IFT57: variants seen among roughly 807,000 people sequenced by gnomAD.
IFT57 encodes the protein intraflagellar transport 57, also known as intraflagellar transport protein 57 homolog.
A neutral mutation model predicts 56.8 loss-of-function variants in IFT57; 59 were observed. The ratio of observed to expected loss-of-function variants is 1.04; its 90% CI spans 0.84 to 1.29. The LOEUF (loss-of-function observed/expected upper bound fraction) is 1.29, where lower values mean the gene tolerates loss of function less well. Ranked by LOEUF, IFT57 falls within the 50% of genes most tolerant of loss-of-function variation. The probability of loss-of-function intolerance (pLI) is 0.00; values close to 1 mark genes in which losing one functional copy is unlikely to be tolerated. For synonymous variants in IFT57, 209 were observed against 186.1 expected, an observed-to-expected ratio of 1.12 and a Z score of -1.00; for missense variants, 470 against 522.1, an observed-to-expected ratio of 0.90 and a Z score of 0.97.
chr3:108,208,127 A>G (rs2080323574), intron 4 of IFT57, among the ~76,000 whole-genome samples: 1 of 152,214 alleles, frequency 6.6e-6, no homozygotes, highest in Non-Finnish European at 1.5e-5. Context: ...GGAAAACCAG[A>G]AAGATTTTAG....
At chr3:108,210,006 T>G (rs973680136) in intron 4 of IFT57, among the ~76,000 whole-genome samples, 1 of 152,130 alleles carries the variant, frequency 6.6e-6, no homozygotes, top group African/African-American at 2.4e-5. Flanking sequence ...AGTTACTAAG[T>G]ATTAAGAGAG....
intron 6 of IFT57, among the ~76,000 whole-genome samples, chr3:108,188,188 C>T (rs965571533): frequency 3.9e-5 from 6 of 152,008 alleles, no homozygotes; most frequent in African/African-American, 1.4e-4. Context: ...AGGAAAGGGT[C>T]GACCACGATG....
chr3:108,191,520 C>T lies in IFT57; in HGVS notation c.777+1G>A, dbSNP rs775640428. The stretch of plus-strand genomic sequence containing the variant: ...AAGAAAATGTGTTCCCACTTTGATA[C>T]CTTATTGTCAGTCCTAATCGTGACT... On this transcript the variant is annotated splice_donor_variant, in intron 6 of 10. Transcript: ENST00000264538. LOFTEE classifies it high-confidence loss of function. 6.4e-7 allele frequency: 1 copy of T among 1,574,432 alleles called. No homozygotes were observed. Among genetic ancestry groups the T allele is most frequent in the East Asian group, 2.3e-5 (1 of 43,546 alleles).
Position 108,216,979 on chromosome 3 carries a change from AAGTTACAGTT to A in IFT57, c.494+1546_494+1555del, listed in dbSNP as rs367546174. Among the ~76,000 whole-genome samples, 166 of 152,208 alleles carry A rather than the reference AAGTTACAGTT, an allele frequency of 1.1e-3. 1 individual carries two copies. The highest frequency in any genetic ancestry group is 3.9e-3 in the African/African-American group (164 of 41,532). ...AAGTTGGTCAAAGTGGGTGAGTACA[AAGTTACAGTT>A]AGGAGGAATAAGTTCTAGTGTTCAA... On this transcript the variant is annotated intron_variant, in intron 3 of 10. Coordinates refer to ENST00000264538, the MANE Select transcript of IFT57 (RefSeq NM_018010.4).
In IFT57 at chr3:108,222,396, G is replaced by A; in HGVS notation, c.-74C>T. ...GGCCTAAGCCGCCAGCCCTGCCGCCGCCAGTACAGCCACGACCGGTTACCA... is the reference window on the plus strand; with the variant it reads ...GGCCTAAGCCGCCAGCCCTGCCGCCACCAGTACAGCCACGACCGGTTACCA... On this transcript the variant is annotated 5_prime_UTR_variant, in exon 1 of 11. Transcript: ENST00000264538. The A allele has an allele frequency of 7.3e-7, 1 of 1,364,754 alleles. No homozygotes were observed. Among genetic ancestry groups the A allele is most frequent in the Non-Finnish European group, 9.8e-7 (1 of 1,015,918 alleles). The allele number at this position is 1,364,754 out of a possible 1,614,324, so 84.5% of individuals were successfully genotyped here. A position where few individuals can be genotyped will look rare whatever the true frequency, so the allele number is the denominator to read the frequency against.
chr3:108,187,739 G>T (rs527365676), intron 6 of IFT57, among the ~76,000 whole-genome samples: 9 of 151,748 alleles, frequency 5.9e-5, no homozygotes, highest in South Asian at 2.1e-4. Context: ...AAATAACAGA[G>T]GTCCTTTACT....
intron 6 of IFT57, among the ~76,000 whole-genome samples, chr3:108,171,933 ATATG>A (rs1338712539): frequency 6.8e-6 from 1 of 146,630 alleles, no homozygotes; most frequent in Non-Finnish European, 1.5e-5. Flanking sequence ...CTCTCCATAT[ATATG>A]TATTTAGAAA....
chr3:108,221,600 T>A (rs1037395682), intron 1 of IFT57, among the ~76,000 whole-genome samples: 1 of 152,174 alleles, frequency 6.6e-6, no homozygotes, highest in Non-Finnish European at 1.5e-5. Flanking sequence ...TTTAAAGTGC[T>A]CCTTAACAGG....
At chr3:108,193,843 T>G (rs902731531) in intron 5 of IFT57, among the ~76,000 whole-genome samples, 2 of 152,210 alleles carry the variant, frequency 1.3e-5, no homozygotes, top group Non-Finnish European at 2.9e-5. Context: ...GAACTAGGCA[T>G]ATGCACATTC....
chr3:108,206,075 T>TTATATATATAATA (rs1218412759), intron 5 of IFT57, among the ~76,000 whole-genome samples: 3 of 130,236 alleles, frequency 2.3e-5, no homozygotes, highest in African/African-American at 8.8e-5. Flanking sequence ...TAATAATATA[T>TTATATATATAATA]TATATATAAA....
chr3:108,219,783 C>A (rs752367363), intron 1 of IFT57, among the ~76,000 whole-genome samples: 12 of 152,184 alleles, frequency 7.9e-5, no homozygotes, highest in Non-Finnish European at 1.3e-4. Flanking sequence ...GCAATTACTA[C>A]TGTACCCAAA....
chr3:108,222,032 C>T, intron 1 of IFT57, 79 bp downstream of exon 1: 1 of 1,534,610 alleles, frequency 6.5e-7, no homozygotes, highest in Non-Finnish European at 8.8e-7. Flanking sequence ...TCTCACGAAA[C>T]TGGTTCCCAG....
At chr3:108,208,130 G>T (rs764727248) in intron 4 of IFT57, among the ~76,000 whole-genome samples, 23 of 151,444 alleles carry the variant, frequency 1.5e-4, no homozygotes, top group Non-Finnish European at 3.1e-4. Flanking sequence ...AAACCAGAAA[G>T]ATTTTAGTAA....
chr3:108,177,593 G>T (rs1253539641), intron 6 of IFT57, among the ~76,000 whole-genome samples: 3 of 151,398 alleles, frequency 2.0e-5, no homozygotes, highest in East Asian at 3.9e-4. Flanking sequence ...AAGGTGGGGG[G>T]ACAGGAGACA....
rs1195590267 is a variant in IFT57, at chr3:108,222,053, G to A, written c.212+58C>T. 5 of 1,550,822 alleles carry A rather than the reference G, an allele frequency of 3.2e-6. No individual in the cohort carries two copies. The South Asian group carries it at 4.7e-5, about 15-fold the overall frequency. ...GAAACTGGTTCCCAGCAGGACCAAG[G>A]AGGGCATCTCCCTGGGGGCTAGCAG... On this transcript the variant is annotated intron_variant, in intron 1 of 10. Transcript: ENST00000264538.
intron 4 of IFT57, among the ~76,000 whole-genome samples, chr3:108,212,219 C>A (rs1481520585): frequency 6.6e-6 from 1 of 151,942 alleles, no homozygotes; most frequent in Admixed American, 6.6e-5. Context: ...TGGCCTGAAG[C>A]AATCACCATG....
At position 108,191,501 on chromosome 3, in the gene IFT57, A is replaced by C; in HGVS notation, c.777+20T>G. Reference sequence around the variant, plus strand: ...ATAACTTTTTTTTTTTTTTAAGAAAATGTGTTCCCACTTTGATACCTTATT... The same window carrying C: ...ATAACTTTTTTTTTTTTTTAAGAAACTGTGTTCCCACTTTGATACCTTATT... On this transcript the variant is annotated intron_variant, in intron 6 of 10. Coordinates refer to ENST00000264538, the MANE Select transcript of IFT57 (RefSeq NM_018010.4). The C allele has an allele frequency of 6.6e-7, 1 of 1,525,002 alleles. No homozygotes were observed. The allele number at this position is 1,525,002 out of a possible 1,614,324, so 94.5% of individuals were successfully genotyped here.
At chr3:108,211,556 A>G (rs537522957) in intron 4 of IFT57, among the ~76,000 whole-genome samples, 1 of 152,366 alleles carries the variant, frequency 6.6e-6, no homozygotes, top group South Asian at 2.1e-4. Flanking sequence ...CACATGCTAC[A>G]CAGTCAGGGC....
chr3:108,206,668 A>C lies in IFT57; in HGVS notation c.614T>G (p.Phe205Cys), dbSNP rs2080315907. Reference sequence around the variant, plus strand: ...GGCCTTTAAAACGTTGAGATCAATAAAGTTTTCTTCATTATCTGTCTCTTC... The same window carrying C: ...GGCCTTTAAAACGTTGAGATCAATACAGTTTTCTTCATTATCTGTCTCTTC... ...VEEETDNEEN[F>C]IDLNVLKAQT... Residue 205 changes from phenylalanine (F) to cysteine (C), a missense_variant, in exon 5 of 11, where the codon TTT becomes TGT. Coordinates refer to ENST00000264538, the MANE Select transcript of IFT57 (RefSeq NM_018010.4). 1 of 1,388,884 alleles carries C rather than the reference A, an allele frequency of 7.2e-7. No individual in the cohort carries two copies. Among genetic ancestry groups the C allele is most frequent in the South Asian group, 2.0e-5 (1 of 51,056 alleles). 86.0% of individuals were successfully genotyped at this position (1,388,884 alleles called of 1,614,324 possible).
Sources: allele counts gnomAD v4.1 joint callset (sites outside exome capture counted in the v4.1 genomes callset), GRCh38; gene constraint gnomAD v4.1.1; transcripts MANE v1.5; gene names NCBI Gene and HGNC (gene_info 2026-07-23, HGNC 2026-07-21).